The following MPDZ variants were observed in gnomAD, a reference collection of about 807,000 sequenced individuals.
The protein encoded by MPDZ is multiple PDZ domain crumbs cell polarity complex component.
MPDZ carries 234 observed loss-of-function variants against 239.1 expected under a neutral mutation model. The observed-to-expected ratio is 0.98, with a 90% confidence interval of 0.88 to 1.09. The LOEUF (loss-of-function observed/expected upper bound fraction) is 1.09, where lower values mean the gene tolerates loss of function less well. Among genes scored for constraint, MPDZ ranks in the 50% least tolerant of loss-of-function variants. MPDZ has a pLI of 0.00. For missense variants in MPDZ, 3,175 were observed against 2,510.0 expected, an observed-to-expected ratio of 1.26 and a Z score of -5.66; for synonymous variants, 1,048 against 881.3, an observed-to-expected ratio of 1.19 and a Z score of -3.35.
At chr9:13,247,609 G>C (rs1466659429) in intron 3 of MPDZ, 26 bp downstream of exon 3, 2 of 1,590,028 alleles carry the variant, frequency 1.3e-6, no homozygotes, top group South Asian at 2.3e-5. Context: ...TGTCGTGAAT[G>C]CCTGCTTGGG....
At chr9:13,150,732 G>C (rs1949054732) in intron 24 of MPDZ, 44 bp from the exon 25 acceptor site, 2 of 1,242,912 alleles carry the variant, frequency 1.6e-6, no homozygotes, top group Non-Finnish European at 1.0e-6. Context: ...AAAATCATAA[G>C]GGTAAAGCTT....
chr9:13,232,957 G>A (rs2136867719), intron 3 of MPDZ, among the ~76,000 whole-genome samples: 1 of 149,958 alleles, frequency 6.7e-6, no homozygotes, highest in East Asian at 1.9e-4. Flanking sequence ...TTACTCATCA[G>A]GAAAATGCAA....
chr9:13,200,600 T>A (rs1564015474), intron 12 of MPDZ, among the ~76,000 whole-genome samples: 1 of 152,066 alleles, frequency 6.6e-6, no homozygotes, highest in Non-Finnish European at 1.5e-5. Context: ...GGCCATAGGT[T>A]TGGTATGCTG....
In MPDZ at chr9:13,168,872, T is replaced by C. The variant is rs551952183; in HGVS notation, c.3056-308A>G. ...TAGAAAGGTCTCTCAGGGAGAGTAC[T>C]ATGATAGTATCAAATCAGTTTTACA... is the stretch of plus-strand genomic sequence containing the variant. On this transcript the variant is annotated intron_variant, in intron 21 of 46. Transcript: ENST00000319217. Among the ~76,000 whole-genome samples, 103 of 152,332 alleles carry C rather than the reference T, an allele frequency of 6.8e-4. 2 individuals are homozygous for C. The highest frequency in any genetic ancestry group is 4.6e-4 in the Admixed American group (7 of 15,292).
intron 23 of MPDZ, among the ~76,000 whole-genome samples, chr9:13,158,684 G>C (rs538524174): frequency 8.1e-4 from 123 of 152,264 alleles, no homozygotes; most frequent in African/African-American, 2.8e-3. Context: ...ACTTCTTAAT[G>C]GAAGAAGCAG....
At chr9:13,203,291 T>C (rs1040305933) in intron 12 of MPDZ, among the ~76,000 whole-genome samples, 1 of 152,122 alleles carries the variant, frequency 6.6e-6, no homozygotes, top group African/African-American at 2.4e-5. Flanking sequence ...CAGAGTCCTA[T>C]CTCTTTCCAC....
At chr9:13,124,754 T>A (rs886977707) in intron 35 of MPDZ, among the ~76,000 whole-genome samples, 1 of 152,100 alleles carries the variant, frequency 6.6e-6, no homozygotes, top group Non-Finnish European at 1.5e-5. Context: ...GCAGTACTGA[T>A]CCCACCTATG....
At chr9:13,277,882 T>A (rs1974599666) in intron 1 of MPDZ, among the ~76,000 whole-genome samples, 1 of 152,110 alleles carries the variant, frequency 6.6e-6, no homozygotes, top group African/African-American at 2.4e-5. Context: ...GCTAGGTTTT[T>A]AAAACACTAT....
intron 1 of MPDZ, chr9:13,274,604 G>A (rs1387963083): frequency 1.4e-5 from 2 of 146,910 alleles, no homozygotes; most frequent in African/African-American, 2.5e-5. Context: ...AAATAAAATT[G>A]CAACACCTAA....
intron 19 of MPDZ, among the ~76,000 whole-genome samples, chr9:13,177,169 C>T (rs1036850570): frequency 6.6e-6 from 1 of 152,062 alleles, no homozygotes; most frequent in Non-Finnish European, 1.5e-5. Context: ...TATTGTATCA[C>T]TTGAGTGCTT....
chr9:13,186,965 T>C (rs1954193503), intron 17 of MPDZ, among the ~76,000 whole-genome samples: 1 of 152,112 alleles, frequency 6.6e-6, no homozygotes, highest in African/African-American at 2.4e-5. Flanking sequence ...AATCTCTACA[T>C]ATCCACAGTC....
intron 27 of MPDZ, among the ~76,000 whole-genome samples, chr9:13,140,440 G>T (rs973729565): frequency 2.8e-5 from 4 of 143,260 alleles, no homozygotes; most frequent in Admixed American, 2.1e-4. Flanking sequence ...TTATTTGTTT[G>T]ATATTTTAAA....
At chr9:13,185,265 G>C (rs1161633719) in intron 18 of MPDZ, among the ~76,000 whole-genome samples, 1 of 151,950 alleles carries the variant, frequency 6.6e-6, no homozygotes, top group Non-Finnish European at 1.5e-5. Flanking sequence ...TATTTCAAGA[G>C]CTTGCAATTT....
At chr9:13,161,761 C>T (rs1950519376) in intron 23 of MPDZ, among the ~76,000 whole-genome samples, 1 of 152,084 alleles carries the variant, frequency 6.6e-6, no homozygotes, top group Non-Finnish European at 1.5e-5. Context: ...CATTATTTCT[C>T]TCCCTGATCT....
chr9:13,127,487 T>G (rs1376524086), intron 32 of MPDZ, among the ~76,000 whole-genome samples: 2 of 152,254 alleles, frequency 1.3e-5, no homozygotes, highest in East Asian at 3.8e-4. Context: ...AAACAGAGTT[T>G]TTAACATTTT....
At chr9:13,221,880 C>G (rs1176608092) in intron 6 of MPDZ, among the ~76,000 whole-genome samples, 1 of 151,856 alleles carries the variant, frequency 6.6e-6, no homozygotes, top group East Asian at 1.9e-4. Flanking sequence ...AATTAGATGA[C>G]TTCTTAAAAG....
chr9:13,132,049 A>T (rs1199346952), intron 32 of MPDZ, among the ~76,000 whole-genome samples: 1 of 152,196 alleles, frequency 6.6e-6, no homozygotes, highest in African/African-American at 2.4e-5. Context: ...CCTGAGCTTT[A>T]GATTTGTTTG....
chr9:13,219,987 T>C (rs961458151), intron 7 of MPDZ, among the ~76,000 whole-genome samples: 8 of 152,138 alleles, frequency 5.3e-5, no homozygotes, highest in African/African-American at 4.8e-5. Context: ...TTTAAATCAA[T>C]AGTCCATATG....
chr9:13,232,005 G>A (rs1962622504), intron 3 of MPDZ, among the ~76,000 whole-genome samples: 1 of 151,780 alleles, frequency 6.6e-6, no homozygotes, highest in Admixed American at 6.6e-5. Context: ...TTCAAAAGAT[G>A]GGAGAAAAAA....
Sources: gnomAD v4.1 joint callset for allele counts (sites outside exome capture counted in the v4.1 genomes callset) on GRCh38, gnomAD v4.1.1 for gene constraint, MANE v1.5 for transcripts, NCBI Gene and HGNC (gene_info 2026-07-23, HGNC 2026-07-21) for gene names.